Variants in KRT37 observed in about 807,000 individuals in gnomAD.
KRT37 encodes keratin, type I cuticular Ha7.
Under a neutral mutation model 41.9 loss-of-function variants are expected in KRT37, and 38 were observed. The observed-to-expected ratio is 0.91, with a 90% CI of 0.70 to 1.19. The LOEUF is 1.19. Among genes scored for constraint, KRT37 ranks in the 50% most tolerant of loss-of-function variants. KRT37 has a pLI of 0.00. For synonymous variants in KRT37, 252 were observed against 243.4 expected, an observed-to-expected ratio of 1.04 and a Z score of -0.33; for missense variants, 580 against 575.5, an observed-to-expected ratio of 1.01 and a Z score of -0.08.
chr17:41,421,452 C>A lies in KRT37; in HGVS notation c.1156G>T (p.Glu386Ter). Residue 386 changes from glutamate to a stop codon, truncating the protein, a stop_gained, in exon 6 of 7, where the codon GAG becomes TAG. Coordinates refer to ENST00000225550, the MANE Select transcript of KRT37 (RefSeq NM_003770.5). LOFTEE classifies it high-confidence loss of function. ...IRADLERQNQ[E>*]YQVLLDVKAR... is the part of the protein sequence containing the mutation. ...TTCACGTCCAGCAGCACCTGGTACT[C>A]CTGGTTCTGCCGCTCCAGGTCGGCC... 1.2e-6 allele frequency: 2 copies of A among 1,614,244 alleles called. No homozygotes were observed. Among genetic ancestry groups the A allele is most frequent in the Non-Finnish European group, 1.7e-6 (2 of 1,180,050 alleles).
chr17:41,420,698 C>A lies in KRT37; in HGVS notation c.*180G>T. 2.2e-6 allele frequency: 1 copy of A among 448,844 alleles called. No individual in the cohort carries two copies. Among genetic ancestry groups the A allele is most frequent in the Non-Finnish European group, 3.9e-6 (1 of 254,834 alleles). The allele number at this position is 448,844 out of a possible 1,614,324, so 27.8% of individuals were successfully genotyped here. A position where few individuals can be genotyped will look rare whatever the true frequency, so the allele number is the denominator to read the frequency against. ...ATGGAAGATAATTACAACATTTTAG[C>A]AACAACAAAAAATACAGCTTAGAGG... On this transcript the variant is annotated 3_prime_UTR_variant, in exon 7 of 7. Transcript: ENST00000225550.
In KRT37 at chr17:41,424,481, T is replaced by C. The variant is rs138173144; in HGVS notation, c.43A>G (p.Thr15Ala). The C allele has an allele frequency of 3.3e-4, 523 of 1,602,670 alleles. 6 individuals carry two copies. The African/African-American group carries it at 6.6e-3, about 20-fold the overall frequency. The change falls in exon 1 of 7, where the codon ACC becomes GCC. Residue 15 changes from threonine (T) to alanine (A), a missense_variant. By Grantham distance (58) the Thr-to-Ala change is moderately conservative (BLOSUM62 0). Transcript: ENST00000225550. Reference sequence around the variant, plus strand: ...ACATTTCTTGCTCCAGGAGCCATGGTGCAACCCAGAGGGCATGAGGAGGTG... The same window carrying C: ...ACATTTCTTGCTCCAGGAGCCATGGCGCAACCCAGAGGGCATGAGGAGGTG... ...YSTSSCPLGC[T>A]MAPGARNVFV... is the part of the protein sequence containing the mutation.
intron 2 of KRT37, 99 bp from the exon 3 acceptor site, chr17:41,423,033 G>T: frequency 7.0e-7 from 1 of 1,424,348 alleles, no homozygotes; most frequent in Non-Finnish European, 9.5e-7. Flanking sequence ...ATCCTTATTT[G>T]TTCACGTGGG....
intron 6 of KRT37, 69 bp downstream of exon 6, chr17:41,421,298 T>C (rs1291888731): frequency 5.6e-5 from 85 of 1,523,496 alleles, no homozygotes; most frequent in Admixed American, 1.9e-4. Context: ...CTGCAAGCAC[T>C]TCCATTACCT....
chr17:41,423,550 A>G, intron 2 of KRT37: 1 of 566,230 alleles, frequency 1.8e-6, no homozygotes, highest in Non-Finnish European at 3.1e-6. Flanking sequence ...ACCAATCTAG[A>G]CTACAGCCCT....
At chr17:41,421,955 G>C in intron 5 of KRT37, 114 bp downstream of exon 5, 1 of 1,555,098 alleles carries the variant, frequency 6.4e-7, no homozygotes, top group South Asian at 1.2e-5. Flanking sequence ...GGGTATAGAG[G>C]ACCCCAGATC....
At chr17:41,423,576 G>T in intron 2 of KRT37, 186 bp downstream of exon 2, 2 of 584,714 alleles carry the variant, frequency 3.4e-6, no homozygotes, top group Middle Eastern at 4.3e-4. Context: ...TTCTTTCAAT[G>T]CTTATATTCT....
chr17:41,423,492 C>T (rs532089662), intron 2 of KRT37: 4 of 426,834 alleles, frequency 9.4e-6, no homozygotes, highest in Admixed American at 3.9e-5. Flanking sequence ...GATTGAAAAG[C>T]AAAATCCTCT....
chr17:41,424,284 T>C lies in KRT37; in HGVS notation c.240A>G (p.Pro80=). 1 of 1,614,174 alleles carries C rather than the reference T, an allele frequency of 6.2e-7. No homozygotes were observed. Among genetic ancestry groups the C allele is most frequent in the Non-Finnish European group, 8.5e-7 (1 of 1,180,016 alleles). ...PPTSHTACPL[P]GTCHIPGNIG... is the part of the protein sequence containing the mutation. The stretch of plus-strand genomic sequence containing the variant: ...TGTTGCCGGGAATGTGACAGGTCCC[T>C]GGCAAGGGACAAGCAGTGTGACTGG... The change falls in exon 1 of 7, where the codon CCA becomes CCG. Residue 80 remains proline (P), a synonymous_variant. Coordinates refer to ENST00000225550, the MANE Select transcript of KRT37 (RefSeq NM_003770.5).
chr17:41,423,069 A>C (rs2018567753), intron 2 of KRT37, 135 bp from the exon 3 acceptor site: 1 of 1,063,300 alleles, frequency 9.4e-7, no homozygotes, highest in East Asian at 2.6e-5. Flanking sequence ...TCAACCCTGC[A>C]GCGACACGGT....
At chr17:41,421,056 G>C (rs1335257616) in intron 6 of KRT37, 70 bp from the exon 7 acceptor site, 7 of 1,247,980 alleles carry the variant, frequency 5.6e-6, no homozygotes, top group Non-Finnish European at 8.1e-6. Flanking sequence ...GTAAGATCAG[G>C]GTGAAGGCTG....
At position 41,422,770 on chromosome 17, in the gene KRT37, G is replaced by A; in HGVS notation, c.732+8C>T. On this transcript the variant is annotated splice_region_variant and intron_variant, in intron 3 of 6. Transcript: ENST00000225550. ...CCTCCCCAGGAGTCTGAGCAGCCAG[G>A]GCCACACCTGCTCGTGGTTGCTCTT... 21 of 1,580,998 alleles carry A rather than the reference G, an allele frequency of 1.3e-5. 3 individuals carry two copies. Among genetic ancestry groups the A allele is most frequent in the Non-Finnish European group, 1.8e-5 (21 of 1,156,892 alleles).
intron 6 of KRT37, 148 bp downstream of exon 6, chr17:41,421,219 G>A (rs1247150023): frequency 2.2e-6 from 2 of 907,624 alleles, no homozygotes; most frequent in Non-Finnish European, 3.4e-6. Flanking sequence ...AGTCTGCACA[G>A]ACCAGGAGAG....
rs768068758 is a variant in KRT37, at chr17:41,424,204, G to A, written c.320C>T (p.Thr107Ile). ...CAGGCGGTCATTCAGGAACTTCATG[G>A]TCTCCTTCTCATGGCCATTCAGGGT... ...KNTLNGHEKE[T>I]MKFLNDRLAN... Residue 107 changes from threonine (T) to isoleucine (I), a missense_variant, in exon 1 of 7, where the codon ACC (threonine) becomes ATC (isoleucine). Physicochemically the swap from Thr to Ile is moderately conservative, Grantham distance 89. Coordinates refer to ENST00000225550, the MANE Select transcript of KRT37 (RefSeq NM_003770.5). The A allele has an allele frequency of 6.2e-7, 1 of 1,614,086 alleles. No individual in the cohort carries two copies. Among genetic ancestry groups the A allele is most frequent in the African/African-American group, 1.3e-5 (1 of 74,916 alleles).
At position 41,420,963 on chromosome 17, in the gene KRT37, G is replaced by T; in HGVS notation, c.1265C>A (p.Thr422Lys). 6.2e-7 allele frequency: 1 copy of T among 1,613,708 alleles called. No homozygotes were observed. Residue 422 changes from threonine (T) to lysine (K), a missense_variant, in exon 7 of 7, where the codon ACG becomes AAG. Thr to Lys is a moderately conservative substitution (Grantham distance 78, BLOSUM62 -1). Transcript: ENST00000225550. ...TGGACAAGAAGTACAGGAGGCAGGC[G>T]TGGAACAGGGATTGCAGGGGAGTCT... ...DCKLPCNPCS[T>K]PASCTSCPSC...
Position 41,424,565 on chromosome 17 carries a change from G to A in KRT37, c.-42C>T. ...TGCACAGGAGCTTCAGATCAGCTGG[G>A]AAGGCTGAGCCACTGAGACTGAAGC... On this transcript the variant is annotated 5_prime_UTR_variant, in exon 1 of 7. Transcript: ENST00000225550. 3 of 1,525,852 alleles carry A rather than the reference G, an allele frequency of 2.0e-6. No individual in the cohort carries two copies. The highest frequency in any genetic ancestry group is 2.6e-6 in the Non-Finnish European group (3 of 1,135,836). The allele number at this position is 1,525,852 out of a possible 1,614,324, so 94.5% of individuals were successfully genotyped here.
At chr17:41,423,992 C>A (rs764662391) in intron 1 of KRT37, 40 bp downstream of exon 1, 11 of 1,605,240 alleles carry the variant, frequency 6.9e-6, no homozygotes, top group South Asian at 6.7e-5. Context: ...AGGCTTCTGC[C>A]TTCTCAGACC....
chr17:41,423,024 T>G (rs1221781118), intron 2 of KRT37, 90 bp from the exon 3 acceptor site: 1 of 1,488,238 alleles, frequency 6.7e-7, no homozygotes, highest in East Asian at 2.3e-5. Context: ...CCACCTTGGA[T>G]CCTTATTTGT....
chr17:41,423,936 C>T, intron 1 of KRT37, 92 bp from the exon 2 acceptor site: 3 of 1,604,400 alleles, frequency 1.9e-6, no homozygotes, highest in Non-Finnish European at 2.6e-6. Context: ...CCAAGAGAAA[C>T]CAAGAACCCA....
Sources: allele counts gnomAD v4.1 joint callset, GRCh38; gene constraint gnomAD v4.1.1; transcripts MANE v1.5; gene names NCBI Gene and HGNC (gene_info 2026-07-23, HGNC 2026-07-21).